Variants in TTC4 observed in about 807,000 individuals in gnomAD.
TTC4 encodes tetratricopeptide repeat domain 4.
TTC4 carries 36 observed loss-of-function variants against 51.9 expected under a neutral mutation model. The ratio of observed to expected loss-of-function variants is 0.69; its 90% CI spans 0.53 to 0.92. The LOEUF is 0.92. Among genes scored for constraint, TTC4 ranks in the 40% least tolerant of loss-of-function variants. The pLI is 0.00. For synonymous variants in TTC4, 144 were observed against 164.2 expected (o/e 0.88, Z 0.94); for missense variants, 399 against 454.6 (o/e 0.88, Z 1.11).
intron 7 of TTC4, among the ~76,000 whole-genome samples, chr1:54,733,171 C>A (rs1394831877): frequency 6.6e-6 from 1 of 151,108 alleles, no homozygotes; most frequent in African/African-American, 2.4e-5. Flanking sequence ...ATCCCAATAA[C>A]TTTGGGAGGC....
At chr1:54,737,799 C>G (rs970162778) in intron 9 of TTC4, 135 bp downstream of exon 9, 15 of 880,644 alleles carry the variant, frequency 1.7e-5, no homozygotes, top group Non-Finnish European at 2.5e-5. Flanking sequence ...ACTCACAGTT[C>G]CACGTGGCTG....
rs200228539 is a variant in TTC4, at chr1:54,741,508, C to T, written c.1159C>T (p.Arg387Ter). ...CCGGGGGAGAAAGGTGTACCAGATACGATGACTAAGCCAGGGCCCCTGGAT... is the reference window on the plus strand; with the variant it reads ...CCGGGGGAGAAAGGTGTACCAGATATGATGACTAAGCCAGGGCCCCTGGAT... Reference protein sequence around the residue: ...FLRGRKVYQIR With the variant: ...FLRGRKVYQI The change falls in exon 10 of 10, where the codon CGA becomes TGA. Residue 387 changes from arginine to a stop codon, truncating the protein, a stop_gained. Coordinates refer to ENST00000371281, the MANE Select transcript of TTC4 (RefSeq NM_004623.5). LOFTEE classifies it high-confidence loss of function. 93 of 1,613,842 alleles carry T rather than the reference C, an allele frequency of 5.8e-5. 1 individual carries two copies. In the South Asian group the frequency reaches 8.3e-4, roughly 14 times the overall value.
intron 7 of TTC4, among the ~76,000 whole-genome samples, chr1:54,732,736 C>T (rs182197143): frequency 2.7e-5 from 4 of 150,352 alleles, no homozygotes; most frequent in Admixed American, 2.6e-4. Context: ...CTGGGATTTA[C>T]AGGCATGAGC....
intron 5 of TTC4, among the ~76,000 whole-genome samples, chr1:54,726,950 A>G (rs923109616): frequency 5.3e-5 from 8 of 152,020 alleles, no homozygotes; most frequent in Admixed American, 2.0e-4. Context: ...TTTCAGTGCA[A>G]TCTGTATCAA....
intron 3 of TTC4, among the ~76,000 whole-genome samples, chr1:54,720,012 C>T (rs908462783): frequency 6.6e-6 from 1 of 151,758 alleles, no homozygotes; most frequent in Non-Finnish European, 1.5e-5. Context: ...AATTCTCCCA[C>T]TTCTGCCTCC....
intron 2 of TTC4, 108 bp downstream of exon 2, chr1:54,716,825 T>G: frequency 2.3e-6 from 2 of 853,990 alleles, no homozygotes; most frequent in Non-Finnish European, 3.6e-6. Context: ...TGAGCTAACT[T>G]GTCATTATTC....
chr1:54,728,043 C>G (rs6588530), intron 5 of TTC4, among the ~76,000 whole-genome samples: 10,127 of 152,250 alleles, frequency 0.067, 429 homozygotes, highest in African/African-American at 0.12. Context: ...GATCACACGA[C>G]CAGAGTAGTA....
intron 4 of TTC4, 78 bp from the exon 5 acceptor site, chr1:54,722,597 G>A: frequency 6.3e-7 from 1 of 1,582,102 alleles, no homozygotes; most frequent in South Asian, 1.2e-5. Context: ...GTAGTTGGTG[G>A]GGGATGGGAG....
chr1:54,741,713 T>C lies in TTC4; in HGVS notation c.*200T>C. 1.7e-6 allele frequency: 1 copy of C among 595,192 alleles called. No individual in the cohort carries two copies. The highest frequency in any genetic ancestry group is 3.0e-6 in the Non-Finnish European group (1 of 336,044). The allele number at this position is 595,192 out of a possible 1,614,324, so 36.9% of individuals were successfully genotyped here. A position where few individuals can be genotyped will look rare whatever the true frequency, so the allele number is the denominator to read the frequency against. On this transcript the variant is annotated 3_prime_UTR_variant, in exon 10 of 10. Transcript: ENST00000371281. ...TCTGGCTGGTCTTCACTTTCCTCAG[T>C]TGATATAAAACTCTGGGTCTTGGCC...
Position 54,716,737 on chromosome 1 carries a change from A to G in TTC4, c.229+20A>G. Reference sequence around the variant, plus strand: ...CAGAAGGTATCTTAACATGACTAATATTTGTTTTGTGTTTCCATTGAACTG... The same window carrying G: ...CAGAAGGTATCTTAACATGACTAATGTTTGTTTTGTGTTTCCATTGAACTG... On this transcript the variant is annotated intron_variant, in intron 2 of 9. Transcript: ENST00000371281. 6.3e-7 allele frequency: 1 copy of G among 1,580,888 alleles called. No individual in the cohort carries two copies. Among genetic ancestry groups the G allele is most frequent in the South Asian group, 1.1e-5 (1 of 88,616 alleles).
Position 54,741,658 on chromosome 1 carries a change from GAGCCTCTGGCTTCCCTAAACTGC to G in TTC4, c.*153_*175del. The G allele has an allele frequency of 1.5e-6, 1 of 688,164 alleles. No homozygotes were observed. Among genetic ancestry groups the G allele is most frequent in the Non-Finnish European group, 2.5e-6 (1 of 405,116 alleles). 42.6% of individuals were successfully genotyped at this position (688,164 alleles called of 1,614,324 possible). On this transcript the variant is annotated 3_prime_UTR_variant, in exon 10 of 10. Coordinates refer to ENST00000371281, the MANE Select transcript of TTC4 (RefSeq NM_004623.5). ...CCTTCCTGGCATCGTGGTGGGGGAG[GAGCCTCTGGCTTCCCTAAACTGC>G]AGCCTCTCTGGCTGGTCTTCACTTT...
intron 7 of TTC4, among the ~76,000 whole-genome samples, chr1:54,732,133 A>T (rs1645873170): frequency 6.6e-6 from 1 of 151,954 alleles, no homozygotes; most frequent in South Asian, 2.1e-4. Context: ...GGAGTTCGAG[A>T]CCAGCCTGGC....
chr1:54,726,007 G>T (rs901188497), intron 5 of TTC4, among the ~76,000 whole-genome samples: 11 of 152,144 alleles, frequency 7.2e-5, no homozygotes, highest in African/African-American at 2.7e-4. Flanking sequence ...GCATAGTGGG[G>T]GTCCTAGAAG....
intron 7 of TTC4, among the ~76,000 whole-genome samples, 171 bp downstream of exon 7, chr1:54,731,871 A>G (rs1645870078): frequency 6.6e-6 from 1 of 152,152 alleles, no homozygotes; most frequent in Admixed American, 6.6e-5. Context: ...AACCTTGACT[A>G]ACTAGGTTTG....
chr1:54,737,711 T>TGAAAATGGACTAATACACTGAGC, intron 9 of TTC4, 47 bp downstream of exon 9: 1 of 1,565,018 alleles, frequency 6.4e-7, no homozygotes, highest in Non-Finnish European at 8.7e-7. Flanking sequence ...ATGCTCAGTG[T>TGAAAATGGACTAATACACTGAGC]ATTAGTCCAT....
chr1:54,719,307 T>C (rs182322639), intron 3 of TTC4, among the ~76,000 whole-genome samples: 12 of 152,360 alleles, frequency 7.9e-5, no homozygotes, highest in Admixed American at 7.2e-4. Flanking sequence ...CTGAGTACTT[T>C]GTAGTTTCTG....
intron 9 of TTC4, among the ~76,000 whole-genome samples, chr1:54,740,236 C>G (rs1445121127): frequency 1.3e-5 from 2 of 152,000 alleles, no homozygotes; most frequent in African/African-American, 4.8e-5. Context: ...AGTGGTGAGG[C>G]CTGAAGTAGG....
chr1:54,737,706 C>T (rs764216486), intron 9 of TTC4, 42 bp downstream of exon 9: 1 of 1,579,782 alleles, frequency 6.3e-7, no homozygotes, highest in Non-Finnish European at 8.7e-7. Context: ...GGAAGATGCT[C>T]AGTGTATTAG....
intron 8 of TTC4, among the ~76,000 whole-genome samples, chr1:54,734,281 A>C (rs1291833913): frequency 6.6e-6 from 1 of 152,206 alleles, no homozygotes; most frequent in African/African-American, 2.4e-5. Context: ...CATGTTGGCC[A>C]GGCTGGTCTC....
Sources: gnomAD v4.1 joint callset for allele counts (sites outside exome capture counted in the v4.1 genomes callset) on GRCh38, gnomAD v4.1.1 for gene constraint, MANE v1.5 for transcripts, NCBI Gene and HGNC (gene_info 2026-07-23, HGNC 2026-07-21) for gene names.